The following TUSC3 variants were observed in gnomAD, a reference collection of about 807,000 sequenced individuals.
TUSC3 encodes the protein dolichyl-diphosphooligosaccharide--protein glycosyltransferase subunit TUSC3.
TUSC3 carries 45 observed loss-of-function variants against 44.8 expected under a neutral mutation model. The observed-to-expected ratio is 1.00, with a 90% CI of 0.79 to 1.29. The LOEUF (loss-of-function observed/expected upper bound fraction) is 1.29. Ranked by LOEUF, TUSC3 falls within the 50% of genes most tolerant of loss-of-function variation. The pLI is 0.00. For synonymous variants in TUSC3, 212 were observed against 152.9 expected (o/e 1.39, Z -2.85); for missense variants, 519 against 437.9 (o/e 1.19, Z -1.65).
chr8:15,798,650 G>T, the TUSC3 span, among the ~76,000 whole-genome samples: 13 of 87,490 alleles, frequency 1.5e-4, no homozygotes, highest in Admixed American at 1.3e-3. Context: ...CTGGGTGTGT[G>T]GGGGGGGTCC....
chr8:15,719,374 T>C (rs901716206), intron 6 of TUSC3, among the ~76,000 whole-genome samples: 1 of 152,000 alleles, frequency 6.6e-6, no homozygotes, highest in Admixed American at 6.6e-5. Context: ...CTGTGGTGTT[T>C]ATCCTGACCT....
intron 1 of TUSC3, among the ~76,000 whole-genome samples, chr8:15,597,491 G>A (rs1267332168): frequency 6.6e-6 from 1 of 151,920 alleles, no homozygotes; most frequent in Non-Finnish European, 1.5e-5. Context: ...TTAAATTATT[G>A]CCTTTGGCAC....
chr8:15,553,955 G>T (rs1366022756), intron 1 of TUSC3, among the ~76,000 whole-genome samples: 1 of 151,694 alleles, frequency 6.6e-6, no homozygotes, highest in African/African-American at 2.4e-5. Flanking sequence ...TGTTCAGACT[G>T]CCATAACCAT....
At chr8:15,781,455 TAA>T in the TUSC3 span, among the ~76,000 whole-genome samples, 2 of 151,968 alleles carry the variant, frequency 1.3e-5, no homozygotes, top group African/African-American at 4.8e-5. Flanking sequence ...TGTCAAAAGG[TAA>T]AGAGGGAACT....
intron 1 of TUSC3, among the ~76,000 whole-genome samples, chr8:15,477,502 C>G (rs1288011963): frequency 1.3e-5 from 2 of 152,040 alleles, no homozygotes; most frequent in African/African-American, 4.8e-5. Flanking sequence ...GCAGGCAGAT[C>G]ACGAGGTCAG....
rs375899414 is a variant in TUSC3 at position 15,540,457 on chromosome 8, C to T, written c.27C>T (p.Arg9=). 16 of 1,604,502 alleles carry T rather than the reference C, an allele frequency of 1.0e-5. No homozygotes were observed. The highest frequency in any genetic ancestry group is 1.3e-5 in the Non-Finnish European group (15 of 1,176,532). ...TGGGGGCCCGGGGCGCTCCTTCACG[C>T]CGTAGGCAAGCGGGGCGGCGGCTGC... MGARGAPS[R]RRQAGRRLRY... is the part of the protein sequence containing the mutation. Residue 9 remains arginine (R), a synonymous_variant, in exon 1 of 11, where the codon CGC becomes CGT. Coordinates refer to ENST00000503731, the MANE Select transcript of TUSC3 (RefSeq NM_006765.4).
Position 15,659,547 on chromosome 8 carries a change from C to T in TUSC3, c.467C>T (p.Pro156Leu), listed in dbSNP as rs766792012. ...NSAPTFMHFPPKGRPKRADTF... is the reference protein window; with the variant it reads ...NSAPTFMHFPLKGRPKRADTF... ...GCTCCTACATTCATGCATTTTCCTC[C>T]AAAAGGCAGACCTAAGAGAGCTGAT... The change falls in exon 4 of 11, where the codon CCA becomes CTA. Residue 156 changes from proline (P) to leucine (L), a missense_variant. Coordinates refer to ENST00000503731, the MANE Select transcript of TUSC3 (RefSeq NM_006765.4). The T allele has an allele frequency of 6.2e-7, 1 of 1,613,230 alleles. No homozygotes were observed. Among genetic ancestry groups the T allele is most frequent in the Non-Finnish European group, 8.5e-7 (1 of 1,179,648 alleles).
the TUSC3 span, among the ~76,000 whole-genome samples, chr8:15,831,379 C>G: frequency 6.6e-6 from 1 of 152,078 alleles, no homozygotes; most frequent in Non-Finnish European, 1.5e-5. Context: ...TCTGACAATT[C>G]CAAAAGCCAG....
chr8:15,804,229 A>C, the TUSC3 span, among the ~76,000 whole-genome samples: 1 of 152,186 alleles, frequency 6.6e-6, no homozygotes, highest in African/African-American at 2.4e-5. Context: ...CTGACTTTTT[A>C]ATGATCACCA....
the TUSC3 span, among the ~76,000 whole-genome samples, chr8:15,825,084 T>C: frequency 2.6e-5 from 4 of 152,334 alleles, no homozygotes; most frequent in African/African-American, 9.6e-5. Flanking sequence ...CATGCTATTA[T>C]GTCCTTTCAG....
At chr8:15,673,382 T>C (rs1173665548) in intron 5 of TUSC3, among the ~76,000 whole-genome samples, 1 of 152,056 alleles carries the variant, frequency 6.6e-6, no homozygotes, top group Non-Finnish European at 1.5e-5. Flanking sequence ...AAGATGATTA[T>C]CATGTCCTTT....
At chr8:15,604,174 A>G (rs531719637) in intron 1 of TUSC3, among the ~76,000 whole-genome samples, 35 of 151,798 alleles carry the variant, frequency 2.3e-4, no homozygotes, top group African/African-American at 8.2e-4. Context: ...CAAATTAAAG[A>G]CATATGTAAC....
At chr8:15,688,112 T>C (rs565063672) in intron 6 of TUSC3, among the ~76,000 whole-genome samples, 1 of 152,144 alleles carries the variant, frequency 6.6e-6, no homozygotes, top group Non-Finnish European at 1.5e-5. Flanking sequence ...ATTAGGAAAA[T>C]TGTGTAGTAC....
At chr8:15,788,433 G>A in the TUSC3 span, among the ~76,000 whole-genome samples, 3 of 151,742 alleles carry the variant, frequency 2.0e-5, no homozygotes, top group Admixed American at 2.0e-4. Flanking sequence ...TGTGATCGCA[G>A]CTACTTGGGA....
At chr8:15,457,568 C>A (rs1040619039) in intron 1 of TUSC3, among the ~76,000 whole-genome samples, 5 of 150,858 alleles carry the variant, frequency 3.3e-5, no homozygotes, top group Non-Finnish European at 7.4e-5. Flanking sequence ...CTTTTCTGCA[C>A]ATACGCTACG....
intron 6 of TUSC3, among the ~76,000 whole-genome samples, chr8:15,723,913 C>T (rs1028341480): frequency 6.6e-6 from 1 of 152,126 alleles, no homozygotes; most frequent in African/African-American, 2.4e-5. Flanking sequence ...GAAGTGCTAT[C>T]TTATTCACTT....
In TUSC3 at chr8:15,673,762, A is replaced by G. The variant is rs1313879418; in HGVS notation, c.724A>G (p.Met242Val). The G allele has an allele frequency of 3.7e-6, 6 of 1,612,762 alleles. No individual in the cohort carries two copies. The highest frequency in any genetic ancestry group is 2.2e-5 in the South Asian group (2 of 91,060). The change falls in exon 6 of 11, where the codon ATG becomes GTG. Residue 242 changes from methionine to valine, a missense_variant. Coordinates refer to ENST00000503731, the MANE Select transcript of TUSC3 (RefSeq NM_006765.4). ...AMVSLCIVFAMTSGQMWNHIR... is the reference protein window; with the variant it reads ...AMVSLCIVFAVTSGQMWNHIR... ...TGTTTTTCAGTGTATAGTCTTTGCT[A>G]TGACTTCTGGCCAGATGTGGAACCA... is the stretch of plus-strand genomic sequence containing the variant.
At chr8:15,843,621 T>TATATATATATATATATATATACACACAC in the TUSC3 span, among the ~76,000 whole-genome samples, 23 of 146,758 alleles carry the variant, frequency 1.6e-4, no homozygotes, top group African/African-American at 6.1e-4. Context: ...TATATATATA[T>TATATATATATATATATATATACACACAC]ACACGCACAT....
the TUSC3 span, among the ~76,000 whole-genome samples, chr8:15,830,767 G>T: frequency 6.6e-6 from 1 of 152,110 alleles, no homozygotes; most frequent in African/African-American, 2.4e-5. Flanking sequence ...AGGGAGGAAG[G>T]TGGAAGGGGG....
Sources: allele counts gnomAD v4.1 joint callset (sites outside exome capture counted in the v4.1 genomes callset), GRCh38; gene constraint gnomAD v4.1.1; transcripts MANE v1.5; gene names NCBI Gene and HGNC (gene_info 2026-07-23, HGNC 2026-07-21).